Variants in PACRGL observed in about 807,000 individuals in gnomAD.
The protein encoded by PACRGL is PACRG-like protein.
Under a neutral mutation model 34.5 loss-of-function variants are expected in PACRGL, and 38 were observed. The ratio of observed to expected loss-of-function variants is 1.10; its 90% CI spans 0.85 to 1.44. The LOEUF (loss-of-function observed/expected upper bound fraction) is 1.44. PACRGL is among the 40% of genes most tolerant of loss of function. The pLI is 0.00. For missense variants in PACRGL, 305 were observed against 281.4 expected (o/e 1.08, Z -0.60); for synonymous variants, 128 against 100.1 (o/e 1.28, Z -1.66).
chr4:20,710,040 A>T (rs1366896188), intron 5 of PACRGL, among the ~76,000 whole-genome samples: 3 of 152,214 alleles, frequency 2.0e-5, no homozygotes, highest in Non-Finnish European at 4.4e-5. Context: ...ACTTCAAAAA[A>T]AATATGTGGA....
chr4:20,720,970 C>T (rs1017181020), intron 7 of PACRGL, among the ~76,000 whole-genome samples: 4 of 152,170 alleles, frequency 2.6e-5, no homozygotes, highest in South Asian at 2.1e-4. Flanking sequence ...ACCAATCAGA[C>T]GTAGATTTGG....
chr4:20,728,351 A>G lies in PACRGL; in HGVS notation c.*1010A>G, dbSNP rs1746632577. 1 of 151,428 alleles carries G rather than the reference A, an allele frequency of 6.6e-6. No individual in the cohort carries two copies. Among genetic ancestry groups the G allele is most frequent in the Non-Finnish European group, 1.5e-5 (1 of 67,554 alleles). The allele number at this position is 151,428 out of a possible 1,614,324, so 9.4% of individuals were successfully genotyped here. Reference sequence around the variant, plus strand: ...CAGCAATTAAAATGTTAAAACTTGTACATGCATTCATTGATTTTGTTGTGC... The same window carrying G: ...CAGCAATTAAAATGTTAAAACTTGTGCATGCATTCATTGATTTTGTTGTGC... On this transcript the variant is annotated 3_prime_UTR_variant, in exon 9 of 9. Transcript: ENST00000503585.
intron 8 of PACRGL, 135 bp from the exon 9 acceptor site, chr4:20,727,147 CCTT>C (rs745404080): frequency 1.1e-4 from 74 of 683,580 alleles, no homozygotes; most frequent in Non-Finnish European, 1.6e-4. Context: ...AGCAAAAAGT[CCTT>C]CTTATTTCAT....
At chr4:20,696,897 GTTTATA>G (rs572228604), upstream of PACRGL, among the ~76,000 whole-genome samples, 156 of 152,276 alleles carry the variant, frequency 1.0e-3, no homozygotes, top group African/African-American at 3.4e-3. Context: ...CATTAATAGT[GTTTATA>G]TTTATTCCAA....
rs74492021 is a variant in PACRGL, at chr4:20,707,818, C to G, written c.223C>G (p.Arg75Gly). The change falls in exon 4 of 9, where the codon CGA becomes GGA. Residue 75 changes from arginine (R) to glycine (G), a missense_variant. By Grantham distance (125) the Arg-to-Gly change is moderately radical (BLOSUM62 -2). Coordinates refer to ENST00000503585, the MANE Select transcript of PACRGL (RefSeq NM_001258345.3). Reference protein sequence around the residue: ...KTINPFGEQSRVPSAFAAIYS... With the variant: ...KTINPFGEQSGVPSAFAAIYS... Reference sequence around the variant, plus strand: ...TTTATTTTAGTTTGGTGAACAGTCACGAGTGCCTTCTGCATTTGCAGCTAT... The same window carrying G: ...TTTATTTTAGTTTGGTGAACAGTCAGGAGTGCCTTCTGCATTTGCAGCTAT... 2 of 1,613,394 alleles carry G rather than the reference C, an allele frequency of 1.2e-6. No individual in the cohort carries two copies. Among genetic ancestry groups the G allele is most frequent in the African/African-American group, 1.3e-5 (1 of 74,904 alleles).
chr4:20,764,530 G>A, the PACRGL span, among the ~76,000 whole-genome samples: 94 of 152,024 alleles, frequency 6.2e-4, no homozygotes, highest in African/African-American at 2.0e-3. Context: ...AAGGAGAATC[G>A]TAAGACCAAC....
upstream of PACRGL, among the ~76,000 whole-genome samples, chr4:20,699,396 T>C (rs77448334): frequency 6.6e-6 from 1 of 152,178 alleles, no homozygotes; most frequent in Non-Finnish European, 1.5e-5. Flanking sequence ...TCACAGAACA[T>C]TAGAGAAATT....
intron 8 of PACRGL, among the ~76,000 whole-genome samples, chr4:20,745,452 A>G (rs1234731663): frequency 2.0e-5 from 3 of 152,168 alleles, no homozygotes; most frequent in Non-Finnish European, 4.4e-5. Context: ...TGAGAAACTT[A>G]ATGTGGCTTA....
At chr4:20,721,560 G>C (rs1413714140) in intron 7 of PACRGL, among the ~76,000 whole-genome samples, 1 of 152,232 alleles carries the variant, frequency 6.6e-6, no homozygotes, top group East Asian at 1.9e-4. Context: ...ACGCTCAGCT[G>C]CAGGTCTGTT....
the PACRGL span, chr4:20,758,858 G>A: frequency 1.2e-6 from 2 of 1,613,168 alleles, no homozygotes; most frequent in Non-Finnish European, 1.7e-6. Context: ...TCTCTTTGAA[G>A]GTTTCTTCAT....
intron 7 of PACRGL, among the ~76,000 whole-genome samples, chr4:20,723,203 A>G (rs890863015): frequency 2.0e-5 from 3 of 152,212 alleles, no homozygotes; most frequent in African/African-American, 7.2e-5. Context: ...ATCTTGGCAG[A>G]TATTTGTAAG....
At chr4:20,732,792 A>C, downstream of PACRGL, 1 of 1,544,044 alleles carries the variant, frequency 6.5e-7, no homozygotes, top group Non-Finnish European at 9.0e-7. Context: ...TTTCCTGAAA[A>C]ATAAAAGGCA....
chr4:20,723,332 T>G (rs933430360), intron 7 of PACRGL, among the ~76,000 whole-genome samples: 3 of 152,182 alleles, frequency 2.0e-5, no homozygotes, highest in Non-Finnish European at 4.4e-5. Context: ...TCCTGTTTTG[T>G]GCCAGGTATG....
intron 8 of PACRGL, among the ~76,000 whole-genome samples, chr4:20,747,208 T>C (rs530751626): frequency 3.9e-4 from 60 of 152,290 alleles, no homozygotes; most frequent in African/African-American, 1.4e-3. Context: ...ATACTAAATT[T>C]ACATATAAAA....
chr4:20,732,795 A>T (rs372827764), downstream of PACRGL: 5 of 1,527,034 alleles, frequency 3.3e-6, no homozygotes, highest in Non-Finnish European at 4.5e-6. Context: ...CCTGAAAAAT[A>T]AAAGGCACTC....
upstream of PACRGL, among the ~76,000 whole-genome samples, chr4:20,700,128 C>T (rs565148823): frequency 7.9e-5 from 12 of 152,282 alleles, no homozygotes; most frequent in African/African-American, 2.2e-4. Context: ...AGCTGAGGAA[C>T]AATGAGTATT....
intron 8 of PACRGL, among the ~76,000 whole-genome samples, chr4:20,746,264 T>G (rs931442365): frequency 6.6e-6 from 1 of 151,878 alleles, no homozygotes; most frequent in African/African-American, 2.4e-5. Flanking sequence ...CAGCAAACTA[T>G]CATGAGAACA....
Position 20,749,060 on chromosome 4 carries a change from A to C in PACRGL, c.*57-3505A>C, listed in dbSNP as rs192533752. On this transcript the variant is annotated intron_variant, in intron 8 of 8. Transcript: ENST00000507634. ...GTAATCCCAGCTACTCAGGAGGCTG[A>C]GACAGGAGAATCACTTGAACCTGGG... Among the ~76,000 whole-genome samples the C allele has an allele frequency of 4.4e-4, 67 of 151,908 alleles. 1 individual carries two copies. In the East Asian group the frequency reaches 9.5e-3, roughly 22 times the overall value.
At chr4:20,710,381 A>G (rs1047725200) in intron 5 of PACRGL, among the ~76,000 whole-genome samples, 3 of 152,220 alleles carry the variant, frequency 2.0e-5, no homozygotes, top group South Asian at 2.1e-4. Flanking sequence ...GCTATCTTCT[A>G]TGAATTTTAT....
Sources: allele counts gnomAD v4.1 joint callset (sites outside exome capture counted in the v4.1 genomes callset), GRCh38; gene constraint gnomAD v4.1.1; transcripts MANE v1.5; gene names NCBI Gene and HGNC (gene_info 2026-07-23, HGNC 2026-07-21).